Variants in RCC2 observed in about 807,000 individuals in gnomAD.
The protein encoded by RCC2 is protein RCC2.
In RCC2, 19 loss-of-function variants were observed where a neutral mutation model predicts 64.1. The ratio of observed to expected loss-of-function variants is 0.30; its 90% CI spans 0.21 to 0.44. The LOEUF (loss-of-function observed/expected upper bound fraction) is 0.44, where lower values mean the gene tolerates loss of function less well. RCC2 is among the 20% of genes least tolerant of loss of function. RCC2 has a pLI of 1.00. For synonymous variants in RCC2, 325 were observed against 279.6 expected, an observed-to-expected ratio of 1.16 and a Z score of -1.62; for missense variants, 508 against 710.4, an observed-to-expected ratio of 0.72 and a Z score of 3.24.
rs1401542992 is a variant in RCC2 at position 17,437,615 on chromosome 1, A to C, written c.285+615T>G. On this transcript the variant is annotated intron_variant, in intron 2 of 12. Transcript: ENST00000375436. Reference sequence around the variant, plus strand: ...CAGCTTCGGACCACCGGCGGCAAACAAAGCCCGAGCACCGCTCAGCCGGGG... The same window carrying C: ...CAGCTTCGGACCACCGGCGGCAAACCAAGCCCGAGCACCGCTCAGCCGGGG... 5.4e-4 allele frequency among the ~76,000 whole-genome samples: 3 copies of C among 5,594 alleles called. No homozygotes were observed. The Admixed American group carries it at 5.6e-3, about 10-fold the overall frequency. The allele number at this position is 5,594 out of a possible 152,430, so 3.7% of individuals were successfully genotyped here.
chr1:17,429,209 C>T lies in RCC2; in HGVS notation c.286-10G>A. 6.2e-7 allele frequency: 1 copy of T among 1,611,646 alleles called. No individual in the cohort carries two copies. Among genetic ancestry groups the T allele is most frequent in the Non-Finnish European group, 8.5e-7 (1 of 1,177,840 alleles). ...TTGACCCTTCAAGTTTCTGCAGAGA[C>T]AGAGAAAGGAAAAAAGAATTAGTGT... On this transcript the variant is annotated splice_polypyrimidine_tract_variant and intron_variant, in intron 2 of 12. Coordinates refer to ENST00000375436, the MANE Select transcript of RCC2 (RefSeq NM_018715.4).
In RCC2 at chr1:17,414,570, A is replaced by C. The variant is rs566474522; in HGVS notation, c.1027-853T>G. ...AACGAAACAAAAAAAAAAACACAAC[A>C]AAAAAAAAACAGATTCAATTGCAGA... On this transcript the variant is annotated intron_variant, in intron 8 of 12. Coordinates refer to ENST00000375436, the MANE Select transcript of RCC2 (RefSeq NM_018715.4). 3.1e-5 allele frequency among the ~76,000 whole-genome samples: 4 copies of C among 129,994 alleles called. No homozygotes were observed. In the East Asian group the frequency reaches 6.4e-4, roughly 21 times the overall value. The allele number at this position is 129,994 out of a possible 152,430, so 85.3% of individuals were successfully genotyped here. A position where few individuals can be genotyped will look rare whatever the true frequency, so the allele number is the denominator to read the frequency against.
rs2075452522 is a variant in RCC2, at chr1:17,413,834, A to G, written c.1027-117T>C. The G allele has an allele frequency of 4.3e-6, 4 of 938,852 alleles. No homozygotes were observed. The South Asian group carries it at 6.5e-5, about 15-fold the overall frequency. The allele number at this position is 938,852 out of a possible 1,614,324, so 58.2% of individuals were successfully genotyped here. ...ATGCTAAGGGCAAAGGAACAGCAACATTCAAGATCCCCTACCAGCCGGGCA... is the reference window on the plus strand; with the variant it reads ...ATGCTAAGGGCAAAGGAACAGCAACGTTCAAGATCCCCTACCAGCCGGGCA... On this transcript the variant is annotated intron_variant, in intron 8 of 12. Transcript: ENST00000375436.
intron 2 of RCC2, among the ~76,000 whole-genome samples, chr1:17,431,041 T>C (rs1008020985): frequency 2.0e-5 from 3 of 150,440 alleles, no homozygotes; most frequent in African/African-American, 4.9e-5. Flanking sequence ...CCAATAAAAA[T>C]GTATTTGTTG....
chr1:17,436,014 T>G (rs112278188), intron 2 of RCC2, among the ~76,000 whole-genome samples: 16 of 151,728 alleles, frequency 1.1e-4, no homozygotes, highest in African/African-American at 3.9e-4. Context: ...GCCTCCCAGG[T>G]GCTCTGATTC....
chr1:17,411,132 G>C (rs867172734), intron 11 of RCC2, among the ~76,000 whole-genome samples: 12 of 152,264 alleles, frequency 7.9e-5, no homozygotes, highest in Admixed American at 1.3e-4. Context: ...AACCACAAGA[G>C]TGCAGGAGAG....
At chr1:17,424,407 A>G (rs2075590530) in intron 4 of RCC2, among the ~76,000 whole-genome samples, 1 of 152,198 alleles carries the variant, frequency 6.6e-6, no homozygotes, top group African/African-American at 2.4e-5. Flanking sequence ...TGGAACACTG[A>G]CATAAAAGGC....
chr1:17,409,307 T>C, intron 12 of RCC2, 113 bp from the exon 13 acceptor site: 2 of 729,802 alleles, frequency 2.7e-6, no homozygotes, highest in South Asian at 3.0e-5. Context: ...AAAAACAGAG[T>C]GCCCTTGAAA....
In RCC2 at chr1:17,432,176, T is replaced by C. The variant is rs1450382054; in HGVS notation, c.286-2977A>G. ...TGGTTCATTTAAATTATTTAGAAAATGACCTTAATCAGAGGGTGGCCCAGC... is the reference window on the plus strand; with the variant it reads ...TGGTTCATTTAAATTATTTAGAAAACGACCTTAATCAGAGGGTGGCCCAGC... On this transcript the variant is annotated intron_variant, in intron 2 of 12. Coordinates refer to ENST00000375436, the MANE Select transcript of RCC2 (RefSeq NM_018715.4). Among the ~76,000 whole-genome samples the C allele has an allele frequency of 3.3e-5, 5 of 152,154 alleles. 1 individual carries two copies. Among genetic ancestry groups the C allele is most frequent in the Admixed American group, 1.3e-4 (2 of 15,276 alleles).
intron 3 of RCC2, among the ~76,000 whole-genome samples, chr1:17,428,069 G>GACTCCA (rs2100383359): frequency 6.6e-6 from 1 of 152,296 alleles, no homozygotes; most frequent in South Asian, 2.1e-4. Context: ...TAGAGAGTGG[G>GACTCCA]ACTCCAACCC....
At chr1:17,436,313 G>A (rs970181467) in intron 2 of RCC2, among the ~76,000 whole-genome samples, 2 of 152,182 alleles carry the variant, frequency 1.3e-5, no homozygotes, top group Non-Finnish European at 2.9e-5. Flanking sequence ...AGACCAGCCT[G>A]GCCAACATGG....
Position 17,422,760 on chromosome 1 carries a change from G to A in RCC2, c.600C>T (p.Ser200=), listed in dbSNP as rs770481477. 36 of 1,614,004 alleles carry A rather than the reference G, an allele frequency of 2.2e-5. No individual in the cohort carries two copies. Among genetic ancestry groups the A allele is most frequent in the Non-Finnish European group, 3.1e-5 (36 of 1,180,016 alleles). ...ATGCTGCAGACACAATCACTTCGTG[G>A]CTAAGACCCTCGATGAGTCTAGGGG... The part of the protein sequence containing the change: ...VEAPRLIEGL[S]HEVIVSAACG... The change falls in exon 5 of 13, where the codon AGC becomes AGT. Residue 200 remains serine (S), a synonymous_variant. Coordinates refer to ENST00000375436, the MANE Select transcript of RCC2 (RefSeq NM_018715.4).
At position 17,413,310 on chromosome 1, in the gene RCC2, C is replaced by G. The variant is rs922705986; in HGVS notation, c.1208-132G>C. 1.1e-5 allele frequency: 9 copies of G among 842,288 alleles called. No individual in the cohort carries two copies. In the Admixed American group the frequency reaches 1.7e-4, roughly 16 times the overall value. The allele number at this position is 842,288 out of a possible 1,614,324, so 52.2% of individuals were successfully genotyped here. ...TGTCTAAAAGATAACTGGAGCCAGG[C>G]GTGGTGGCGTGCCTGTGCAGTCCTA... is the stretch of plus-strand genomic sequence containing the variant. On this transcript the variant is annotated intron_variant, in intron 9 of 12. Transcript: ENST00000375436.
intron 2 of RCC2, among the ~76,000 whole-genome samples, chr1:17,436,785 G>A (rs1351079945): frequency 3.3e-5 from 5 of 152,228 alleles, no homozygotes; most frequent in Admixed American, 2.6e-4. Flanking sequence ...CAGGAGACGC[G>A]GAAGCTCACC....
chr1:17,408,960 G>A lies in RCC2; in HGVS notation c.*130C>T. ...ATCATGTGTAAAACGGAACCTCAGG[G>A]AGTCTAAACAAAAATGCACCTTCGG... On this transcript the variant is annotated 3_prime_UTR_variant, in exon 13 of 13. Coordinates refer to ENST00000375436, the MANE Select transcript of RCC2 (RefSeq NM_018715.4). 1 of 727,202 alleles carries A rather than the reference G, an allele frequency of 1.4e-6. No individual in the cohort carries two copies. 45.0% of individuals were successfully genotyped at this position (727,202 alleles called of 1,614,324 possible).
intron 1 of RCC2, 185 bp from the exon 2 acceptor site, chr1:17,438,707 G>C (rs1035046734): frequency 2.0e-5 from 10 of 497,492 alleles, no homozygotes; most frequent in Non-Finnish European, 2.8e-5. Flanking sequence ...GCCCCGGCGC[G>C]GCTCCTTCGG....
chr1:17,416,967 G>A (rs925934852), intron 7 of RCC2, among the ~76,000 whole-genome samples: 11 of 152,168 alleles, frequency 7.2e-5, no homozygotes, highest in South Asian at 4.1e-4. Context: ...TTCAGATTGG[G>A]TTGCAAAAGA....
chr1:17,410,506 G>A (rs963094468), intron 11 of RCC2, among the ~76,000 whole-genome samples: 3 of 152,200 alleles, frequency 2.0e-5, no homozygotes, highest in African/African-American at 7.2e-5. Flanking sequence ...GGGCTTAAGC[G>A]TGACAGGGAG....
At chr1:17,428,111 C>T (rs1383282957) in intron 3 of RCC2, among the ~76,000 whole-genome samples, 1 of 152,256 alleles carries the variant, frequency 6.6e-6, no homozygotes, top group Non-Finnish European at 1.5e-5. Context: ...TTGGTATTTA[C>T]TGCCCTTCCC....
Sources: allele counts gnomAD v4.1 joint callset (sites outside exome capture counted in the v4.1 genomes callset), GRCh38; gene constraint gnomAD v4.1.1; transcripts MANE v1.5; gene names NCBI Gene and HGNC (gene_info 2026-07-23, HGNC 2026-07-21).